Variants in ADAMTS3 observed in about 807,000 individuals in gnomAD.
ADAMTS3 encodes ADAM metallopeptidase with thrombospondin type 1 motif 3.
Under a neutral mutation model 129.0 loss-of-function variants are expected in ADAMTS3, and 73 were observed. The ratio of observed to expected loss-of-function variants is 0.57; its 90% CI spans 0.47 to 0.69. The LOEUF (loss-of-function observed/expected upper bound fraction) is 0.69. Among genes scored for constraint, ADAMTS3 ranks in the 30% least tolerant of loss-of-function variants. The pLI, the probability that ADAMTS3 is intolerant of heterozygous loss-of-function variation, is 0.00. For missense variants in ADAMTS3, 1,457 were observed against 1,514.5 expected (o/e 0.96, Z 0.63); for synonymous variants, 477 against 510.8 (o/e 0.93, Z 0.89).
intron 3 of ADAMTS3, among the ~76,000 whole-genome samples, chr4:72,532,057 A>G (rs543309232): frequency 6.6e-6 from 1 of 152,126 alleles, no homozygotes; most frequent in African/African-American, 2.4e-5. Flanking sequence ...TACAGACAAA[A>G]AAAAAAAAAA....
At position 72,400,091 on chromosome 4, in the gene ADAMTS3, ACGTGTG is replaced by A. The variant is rs1201453430; in HGVS notation, c.661+14718_661+14723del. 1.6e-3 allele frequency among the ~76,000 whole-genome samples: 89 copies of A among 55,076 alleles called. 1 individual carries two copies. Among genetic ancestry groups the A allele is most frequent in the Admixed American group, 5.7e-3 (25 of 4,376 alleles). 36.1% of individuals were successfully genotyped at this position (55,076 alleles called of 152,430 possible). A position where few individuals can be genotyped will look rare whatever the true frequency, so the allele number is the denominator to read the frequency against. On this transcript the variant is annotated intron_variant, in intron 4 of 21. Coordinates refer to ENST00000286657, the MANE Select transcript of ADAMTS3 (RefSeq NM_014243.3). ...ATATATGCACACATGGTGTGTATATACGTGTGTATATATGCACACATGGTGTGTATA... is the reference window on the plus strand; with the variant it reads ...ATATATGCACACATGGTGTGTATATATATATATGCACACATGGTGTGTATA...
chr4:72,381,685 TATAG>T (rs532414445), intron 4 of ADAMTS3, among the ~76,000 whole-genome samples: 86 of 152,186 alleles, frequency 5.7e-4, no homozygotes, highest in Non-Finnish European at 9.6e-4. Flanking sequence ...GCAAAAGTGT[TATAG>T]CCCCATTCAA....
rs554231438 is a variant in ADAMTS3, at chr4:72,457,171, T to G, written c.505-42200A>C. ...GTGAGCTTTGTTTGGTAACCTGAAA[T>G]GTTCTACATTATAAGCAAATTTTAT... On this transcript the variant is annotated intron_variant, in intron 3 of 21. Transcript: ENST00000286657. Among the ~76,000 whole-genome samples, 7 of 151,826 alleles carry G rather than the reference T, an allele frequency of 4.6e-5. No homozygotes were observed. The South Asian group carries it at 1.5e-3, about 31-fold the overall frequency.
At chr4:72,318,086 T>C (rs1719448609) in intron 10 of ADAMTS3, among the ~76,000 whole-genome samples, 2 of 151,574 alleles carry the variant, frequency 1.3e-5, no homozygotes, top group Admixed American at 6.6e-5. Flanking sequence ...CTGACCCCCA[T>C]GGTATGCCAT....
intron 4 of ADAMTS3, among the ~76,000 whole-genome samples, chr4:72,379,963 A>G (rs1304258326): frequency 3.3e-5 from 5 of 152,070 alleles, no homozygotes; most frequent in Non-Finnish European, 7.4e-5. Flanking sequence ...GTCTCTTCTC[A>G]TTCATCATAT....
At chr4:72,519,209 T>C (rs902456468) in intron 3 of ADAMTS3, among the ~76,000 whole-genome samples, 5 of 152,238 alleles carry the variant, frequency 3.3e-5, no homozygotes, top group Non-Finnish European at 5.9e-5. Context: ...AGAGATCCGC[T>C]GTTAGTCTGA....
At chr4:72,392,834 T>C (rs1431476888) in intron 4 of ADAMTS3, among the ~76,000 whole-genome samples, 1 of 152,166 alleles carries the variant, frequency 6.6e-6, no homozygotes, top group African/African-American at 2.4e-5. Flanking sequence ...CTTTTAGTTT[T>C]AGGAGGAACT....
At chr4:72,295,544 C>A in intron 19 of ADAMTS3, 110 bp downstream of exon 19, 1 of 1,148,716 alleles carries the variant, frequency 8.7e-7, no homozygotes, top group Non-Finnish European at 1.2e-6. Context: ...ACTATTTAAA[C>A]CATGTCTATA....
chr4:72,504,832 G>C (rs1027730138), intron 3 of ADAMTS3, among the ~76,000 whole-genome samples: 15 of 152,244 alleles, frequency 9.9e-5, no homozygotes, highest in African/African-American at 3.4e-4. Flanking sequence ...ATCTCTGAAA[G>C]TCCTTCTTCT....
At chr4:72,424,200 C>G (rs866157731) in intron 3 of ADAMTS3, among the ~76,000 whole-genome samples, 1 of 152,052 alleles carries the variant, frequency 6.6e-6, no homozygotes. Context: ...AAAGCATCTC[C>G]TGCAAATGGC....
At chr4:72,526,671 T>C (rs1171012468) in intron 3 of ADAMTS3, among the ~76,000 whole-genome samples, 1 of 143,766 alleles carries the variant, frequency 7.0e-6, no homozygotes, top group African/African-American at 2.6e-5. Context: ...TATAACCATA[T>C]ACACATGCAT....
chr4:72,420,677 C>G (rs1247356395), intron 3 of ADAMTS3, among the ~76,000 whole-genome samples: 1 of 152,120 alleles, frequency 6.6e-6, no homozygotes, highest in Non-Finnish European at 1.5e-5. Context: ...GTGCTTAAAG[C>G]AATACCTGGC....
intron 3 of ADAMTS3, among the ~76,000 whole-genome samples, chr4:72,424,725 G>C (rs1377035347): frequency 2.0e-5 from 3 of 151,970 alleles, no homozygotes; most frequent in African/African-American, 7.2e-5. Context: ...TTCAGTAACA[G>C]GAACAGTTTT....
intron 4 of ADAMTS3, among the ~76,000 whole-genome samples, chr4:72,393,717 T>C (rs906973702): frequency 2.4e-4 from 37 of 152,342 alleles, no homozygotes; most frequent in African/African-American, 5.5e-4. Context: ...AGATCACTTA[T>C]ATCATTTTAT....
intron 12 of ADAMTS3, among the ~76,000 whole-genome samples, chr4:72,313,256 A>T (rs901840022): frequency 2.6e-5 from 4 of 152,076 alleles, no homozygotes; most frequent in Non-Finnish European, 5.9e-5. Flanking sequence ...TTCTATCACA[A>T]TCTTTCTTTT....
chr4:72,427,360 T>C (rs917900383), intron 3 of ADAMTS3, among the ~76,000 whole-genome samples: 1 of 152,108 alleles, frequency 6.6e-6, no homozygotes, highest in African/African-American at 2.4e-5. Flanking sequence ...ACATTCCCCT[T>C]TTGAGTGTCA....
At chr4:72,288,682 C>T in intron 21 of ADAMTS3, 69 bp downstream of exon 21, 1 of 1,015,820 alleles carries the variant, frequency 9.8e-7, no homozygotes, top group African/African-American at 1.6e-5. Context: ...TAACTTCTCT[C>T]AAAAGGAAAT....
intron 21 of ADAMTS3, among the ~76,000 whole-genome samples, chr4:72,287,102 C>T (rs937186779): frequency 1.3e-5 from 2 of 151,866 alleles, no homozygotes; most frequent in Admixed American, 6.6e-5. Context: ...CTTATGAATG[C>T]AATTCATGCC....
chr4:72,516,011 G>A (rs944802681), intron 3 of ADAMTS3, among the ~76,000 whole-genome samples: 1 of 152,120 alleles, frequency 6.6e-6, no homozygotes, highest in Non-Finnish European at 1.5e-5. Context: ...ATTAATTTTT[G>A]TATAAGGTGT....
Sources: allele counts gnomAD v4.1 joint callset (sites outside exome capture counted in the v4.1 genomes callset), GRCh38; gene constraint gnomAD v4.1.1; transcripts MANE v1.5; gene names NCBI Gene and HGNC (gene_info 2026-07-23, HGNC 2026-07-21).